Variants in OR52N2 observed in about 807,000 individuals in gnomAD.
OR52N2 encodes olfactory receptor 52N2.
For missense variants in OR52N2, 326 were observed against 196.6 expected, an observed-to-expected ratio of 1.66 and a Z score of -3.94; for synonymous variants, 129 against 72.0, an observed-to-expected ratio of 1.79 and a Z score of -4.01.
intron 1 of OR52N2, 45 bp from the exon 2 acceptor site, chr11:5,820,237 C>G (rs1262135613): frequency 1.4e-6 from 1 of 695,762 alleles, no homozygotes; most frequent in African/African-American, 1.8e-5. Flanking sequence ...TTGTCCAAAC[C>G]AGTACCTCTT....
chr11:5,809,974 G>A (rs919204165), intron 1 of OR52N2, among the ~76,000 whole-genome samples: 2 of 152,136 alleles, frequency 1.3e-5, no homozygotes, highest in African/African-American at 4.8e-5. Flanking sequence ...TTGGGAAAAC[G>A]GTATAATTAA....
chr11:5,818,379 C>A (rs1338155909), intron 1 of OR52N2, among the ~76,000 whole-genome samples: 1 of 152,018 alleles, frequency 6.6e-6, no homozygotes, highest in Non-Finnish European at 1.5e-5. Context: ...AAACAGAACC[C>A]ACGGAGACAC....
Position 5,821,377 on chromosome 11 carries a change from T to TC in OR52N2, c.*76_*77insC. ...AATTTCATAAAAGATGTGAATAAAA[T>TC]GGTATTAAAATCATGACATGTAATT... On this transcript the variant is annotated 3_prime_UTR_variant, in exon 2 of 2. Transcript: ENST00000317037. 1.5e-6 allele frequency: 1 copy of TC among 671,730 alleles called. No homozygotes were observed. Among genetic ancestry groups the TC allele is most frequent in the Admixed American group, 2.3e-5 (1 of 44,060 alleles). 41.6% of individuals were successfully genotyped at this position (671,730 alleles called of 1,614,324 possible).
chr11:5,819,412 T>C (rs1846428495), intron 1 of OR52N2, among the ~76,000 whole-genome samples: 2 of 152,156 alleles, frequency 1.3e-5, no homozygotes, highest in South Asian at 4.1e-4. Flanking sequence ...CAGTCAATAA[T>C]CCCAGAACTT....
At chr11:5,818,421 T>G (rs957689153) in intron 1 of OR52N2, among the ~76,000 whole-genome samples, 1 of 152,026 alleles carries the variant, frequency 6.6e-6, no homozygotes, top group African/African-American at 2.4e-5. Flanking sequence ...GCCTGGGGCA[T>G]CTTGTTGGAA....
intron 1 of OR52N2, among the ~76,000 whole-genome samples, chr11:5,812,796 T>C (rs941901396): frequency 1.3e-5 from 2 of 152,044 alleles, no homozygotes; most frequent in Non-Finnish European, 2.9e-5. Context: ...AAATCAGTTA[T>C]ATTTTAGGCT....
intron 1 of OR52N2, among the ~76,000 whole-genome samples, chr11:5,814,988 T>A (rs1354255801): frequency 6.6e-6 from 1 of 152,116 alleles, no homozygotes; most frequent in East Asian, 1.9e-4. Context: ...TTCTTTACAA[T>A]AAATAGTGCT....
intron 1 of OR52N2, among the ~76,000 whole-genome samples, chr11:5,812,312 G>A (rs1239001309): frequency 1.4e-5 from 2 of 146,206 alleles, no homozygotes; most frequent in African/African-American, 5.1e-5. Context: ...GGCTAACACG[G>A]TGAAACCCTG....
chr11:5,820,904 C>G lies in OR52N2; in HGVS notation c.569C>G (p.Ser190Cys), dbSNP rs140734548. 7.7e-6 allele frequency: 6 copies of G among 780,910 alleles called. No homozygotes were observed. In the East Asian group the frequency reaches 1.5e-4, roughly 19 times the overall value. The allele number at this position is 780,910 out of a possible 1,614,324, so 48.4% of individuals were successfully genotyped here. The change falls in exon 2 of 2, where the codon TCC becomes TGC. Residue 190 changes from serine to cysteine, a missense_variant. Physicochemically the swap from Ser to Cys is moderately radical, Grantham distance 112. Transcript: ENST00000317037. ...GACCATATGTCTGTGGCCAAGGTAT[C>G]CTGTGGCAATTTCAAGGTCAATGCT... Reference protein sequence around the residue: ...YCDHMSVAKVSCGNFKVNAIY... With the variant: ...YCDHMSVAKVCCGNFKVNAIY...
chr11:5,811,498 A>G (rs1846360653), intron 1 of OR52N2, among the ~76,000 whole-genome samples: 1 of 152,166 alleles, frequency 6.6e-6, no homozygotes, highest in African/African-American at 2.4e-5. Flanking sequence ...ATCAGCCTAA[A>G]ATAGCCTTTT....
At chr11:5,817,706 T>C (rs1360931424) in intron 1 of OR52N2, among the ~76,000 whole-genome samples, 1 of 152,202 alleles carries the variant, frequency 6.6e-6, no homozygotes, top group Non-Finnish European at 1.5e-5. Flanking sequence ...TGATTTTTTC[T>C]AACGTTTATC....
Position 5,820,910 on chromosome 11 carries a change from G to C in OR52N2, c.575G>C (p.Gly192Ala). Reference sequence around the variant, plus strand: ...ATGTCTGTGGCCAAGGTATCCTGTGGCAATTTCAAGGTCAATGCTATTTAT... The same window carrying C: ...ATGTCTGTGGCCAAGGTATCCTGTGCCAATTTCAAGGTCAATGCTATTTAT... ...DHMSVAKVSC[G>A]NFKVNAIYGL... is the part of the protein sequence containing the mutation. The change falls in exon 2 of 2, where the codon GGC becomes GCC. Residue 192 changes from glycine (G) to alanine (A), a missense_variant. Transcript: ENST00000317037. 1 of 781,000 alleles carries C rather than the reference G, an allele frequency of 1.3e-6. No homozygotes were observed. Among genetic ancestry groups the C allele is most frequent in the East Asian group, 2.4e-5 (1 of 41,242 alleles). The allele number at this position is 781,000 out of a possible 1,614,324, so 48.4% of individuals were successfully genotyped here.
rs370274883 is a variant in OR52N2, at chr11:5,818,818, TTTGTC to T, written c.-54-1457_-54-1453del. 1.4e-4 allele frequency among the ~76,000 whole-genome samples: 21 copies of T among 152,338 alleles called. No homozygotes were observed. In the South Asian group the frequency reaches 2.5e-3, roughly 18 times the overall value. On this transcript the variant is annotated intron_variant, in intron 1 of 1. Transcript: ENST00000317037. Reference sequence around the variant, plus strand: ...GACACTAGAAATTTTAATCTTTAAGTTTGTCTTGTCTAAGAACATAAAATGATGGT... The same window carrying T: ...GACACTAGAAATTTTAATCTTTAAGTTTGTCTAAGAACATAAAATGATGGT...
At chr11:5,819,481 T>C (rs1590368107) in intron 1 of OR52N2, among the ~76,000 whole-genome samples, 2 of 152,188 alleles carry the variant, frequency 1.3e-5, no homozygotes, top group Non-Finnish European at 1.5e-5. Context: ...TGTGAAAAGA[T>C]AGAGAAGCCA....
At position 5,821,280 on chromosome 11, in the gene OR52N2, T is replaced by C; in HGVS notation, c.945T>C (p.Val315=). 1.3e-6 allele frequency: 1 copy of C among 779,552 alleles called. No homozygotes were observed. Among genetic ancestry groups the C allele is most frequent in the Non-Finnish European group, 2.4e-6 (1 of 417,732 alleles). The allele number at this position is 779,552 out of a possible 1,614,324, so 48.3% of individuals were successfully genotyped here. The change falls in exon 2 of 2, where the codon GTT becomes GTC. Residue 315 remains valine, a synonymous_variant. Transcript: ENST00000317037. Reference sequence around the variant, plus strand: ...TTAAATTTTTACTTGGAGACAAGGTTAGTTTTACCTATGACAAATGAAACA... The same window carrying C: ...TTAAATTTTTACTTGGAGACAAGGTCAGTTTTACCTATGACAAATGAAACA... ...GVIKFLLGDK[V]SFTYDK
rs755643165 is a variant in OR52N2 at position 5,820,351 on chromosome 11, A to T, written c.16A>T (p.Ser6Cys). 7.7e-6 allele frequency: 6 copies of T among 780,678 alleles called. No individual in the cohort carries two copies. The highest frequency in any genetic ancestry group is 3.4e-5 in the African/African-American group (2 of 59,100). The allele number at this position is 780,678 out of a possible 1,614,324, so 48.4% of individuals were successfully genotyped here. A position where few individuals can be genotyped will look rare whatever the true frequency, so the allele number is the denominator to read the frequency against. Residue 6 changes from serine to cysteine, a missense_variant, in exon 2 of 2, where the codon AGC becomes TGC. By Grantham distance (112) the Ser-to-Cys change is moderately radical. Coordinates refer to ENST00000317037, the MANE Select transcript of OR52N2 (RefSeq NM_001005174.3). MSGDN[S>C]SSLTPGFFIL... ...GTCAGCCATCATGTCTGGGGACAAC[A>T]GCTCCAGCCTGACCCCAGGATTCTT...
intron 1 of OR52N2, among the ~76,000 whole-genome samples, chr11:5,813,846 G>C (rs550476115): frequency 6.6e-6 from 1 of 152,200 alleles, no homozygotes; most frequent in Admixed American, 6.5e-5. Context: ...TTTATCACCG[G>C]AATACAAGGA....
chr11:5,821,165 T>C lies in OR52N2; in HGVS notation c.830T>C (p.Ile277Thr). The part of the protein sequence containing the change: ...VGHNIPNHIH[I>T]IVANLYLLLP... Reference sequence around the variant, plus strand: ...CACAATATCCCAAACCACATACACATCATCGTGGCCAACCTTTATCTGCTA... The same window carrying C: ...CACAATATCCCAAACCACATACACACCATCGTGGCCAACCTTTATCTGCTA... The change falls in exon 2 of 2, where the codon ATC (isoleucine) becomes ACC (threonine). Residue 277 changes from isoleucine to threonine, a missense_variant. By Grantham distance (89) the Ile-to-Thr change is moderately conservative (BLOSUM62 -1). Transcript: ENST00000317037. 2.6e-6 allele frequency: 2 copies of C among 781,006 alleles called. No homozygotes were observed. The highest frequency in any genetic ancestry group is 2.4e-6 in the Non-Finnish European group (1 of 418,108). 48.4% of individuals were successfully genotyped at this position (781,006 alleles called of 1,614,324 possible).
At chr11:5,817,867 A>G (rs1332894968) in intron 1 of OR52N2, among the ~76,000 whole-genome samples, 1 of 152,210 alleles carries the variant, frequency 6.6e-6, no homozygotes, top group Non-Finnish European at 1.5e-5. Flanking sequence ...GGAAACAAAT[A>G]TTCAAGAGTA....
Sources: allele counts gnomAD v4.1 joint callset (sites outside exome capture counted in the v4.1 genomes callset), GRCh38; gene constraint gnomAD v4.1.1; transcripts MANE v1.5; gene names NCBI Gene and HGNC (gene_info 2026-07-23, HGNC 2026-07-21).